Variants in BMP2K observed in about 807,000 individuals in gnomAD.
BMP2K encodes BMP2 inducible kinase.
A neutral mutation model predicts 116.0 loss-of-function variants in BMP2K; 74 were observed. That is an observed-to-expected ratio of 0.64 (90% CI 0.53 to 0.77). The LOEUF is 0.77. BMP2K is among the 30% of genes least tolerant of loss of function. The probability of loss-of-function intolerance (pLI) is 0.00; values close to 1 mark genes in which losing one functional copy is unlikely to be tolerated. For missense variants in BMP2K, 1,365 were observed against 1,403.6 expected (o/e 0.97, Z 0.44); for synonymous variants, 486 against 502.5 (o/e 0.97, Z 0.44).
Position 78,873,430 on chromosome 4 carries a change from A to C in BMP2K, c.1793+632A>C, listed in dbSNP as rs898743417. Among the ~76,000 whole-genome samples the C allele has an allele frequency of 2.0e-5, 3 of 152,126 alleles. No homozygotes were observed. In the East Asian group the frequency reaches 5.8e-4, roughly 29 times the overall value. Reference sequence around the variant, plus strand: ...CTAAGAATCATCATCAATGCCTCCTAATGTTTTTAGATACCTAGGAGGTAG... The same window carrying C: ...CTAAGAATCATCATCAATGCCTCCTCATGTTTTTAGATACCTAGGAGGTAG... On this transcript the variant is annotated intron_variant, in intron 13 of 15. Transcript: ENST00000502613.
chr4:78,794,500 T>A (rs748796890), intron 1 of BMP2K, among the ~76,000 whole-genome samples: 2 of 152,172 alleles, frequency 1.3e-5, no homozygotes, highest in Non-Finnish European at 1.5e-5. Flanking sequence ...CTGATCGAAA[T>A]AGATAATTTT....
intron 1 of BMP2K, among the ~76,000 whole-genome samples, chr4:78,779,900 G>C (rs1727424099): frequency 6.6e-6 from 1 of 152,150 alleles, no homozygotes; most frequent in South Asian, 2.1e-4. Flanking sequence ...TGATAACATA[G>C]TGAGGCAGTT....
At chr4:78,831,179 A>G (rs1432204396) in intron 2 of BMP2K, among the ~76,000 whole-genome samples, 3 of 152,250 alleles carry the variant, frequency 2.0e-5, no homozygotes, top group Non-Finnish European at 4.4e-5. Flanking sequence ...GTTAGAACAC[A>G]TATAACATTT....
At position 78,800,016 on chromosome 4, in the gene BMP2K, CTT is replaced by C. The variant is rs558873733; in HGVS notation, c.178+23297_178+23298del. The stretch of plus-strand genomic sequence containing the variant: ...CCGTACTCTGACAAGGTTGAGCTGT[CTT>C]TGCAAAGGAGAAATTATACAAACTT... On this transcript the variant is annotated intron_variant, in intron 1 of 15. Transcript: ENST00000502613. 9.9e-5 allele frequency among the ~76,000 whole-genome samples: 15 copies of C among 152,284 alleles called. No homozygotes were observed. In the South Asian group the frequency reaches 3.1e-3, roughly 32 times the overall value.
chr4:78,815,643 C>T (rs1002129516), intron 1 of BMP2K, among the ~76,000 whole-genome samples: 12 of 151,994 alleles, frequency 7.9e-5, no homozygotes, highest in African/African-American at 2.9e-4. Flanking sequence ...AAGAGTGGTA[C>T]AGTGAATAAT....
intron 7 of BMP2K, among the ~76,000 whole-genome samples, chr4:78,857,060 T>C (rs925511038): frequency 6.6e-6 from 1 of 152,098 alleles, no homozygotes; most frequent in East Asian, 1.9e-4. Context: ...TGTGATTCAA[T>C]ATATTAATAA....
chr4:78,883,706 A>G (rs776599763), intron 14 of BMP2K, among the ~76,000 whole-genome samples: 1 of 152,204 alleles, frequency 6.6e-6, no homozygotes, highest in Non-Finnish European at 1.5e-5. Flanking sequence ...GAGGATTTAA[A>G]GAACCTTAGT....
At chr4:78,837,522 T>A (rs950431209) in intron 3 of BMP2K, among the ~76,000 whole-genome samples, 2 of 152,214 alleles carry the variant, frequency 1.3e-5, no homozygotes, top group African/African-American at 4.8e-5. Context: ...CTCAGTGTTC[T>A]TTGCTAAAGT....
chr4:78,777,013 A>G (rs1406060523), intron 1 of BMP2K, among the ~76,000 whole-genome samples: 1 of 152,080 alleles, frequency 6.6e-6, no homozygotes, highest in Non-Finnish European at 1.5e-5. Flanking sequence ...GGTTGGTGTT[A>G]CGATTGGGCC....
intron 7 of BMP2K, among the ~76,000 whole-genome samples, chr4:78,851,979 G>A (rs1049844043): frequency 1.3e-5 from 2 of 151,982 alleles, no homozygotes; most frequent in East Asian, 3.9e-4. Context: ...AAATGTCTAA[G>A]TTTTATAATT....
chr4:78,884,388 TACCTAATGAATCAAGTAG>T (rs1199363165), intron 14 of BMP2K, among the ~76,000 whole-genome samples: 1 of 152,188 alleles, frequency 6.6e-6, no homozygotes, highest in African/African-American at 2.4e-5. Context: ...CCTAAGTTAC[TACCTAATGAATCAAGTAG>T]ACCTAATGAA....
intron 8 of BMP2K, chr4:78,860,015 G>GTT (rs375841644): frequency 9.6e-3 from 4,352 of 455,022 alleles, no homozygotes; most frequent in South Asian, 0.015. Context: ...AGGACTGTTA[G>GTT]TTTTTTTTTT....
At chr4:78,876,212 G>T (rs1014985845) in intron 13 of BMP2K, among the ~76,000 whole-genome samples, 3 of 152,188 alleles carry the variant, frequency 2.0e-5, no homozygotes, top group Middle Eastern at 3.4e-3. Flanking sequence ...ACAGACAGGA[G>T]GGGGGATGCC....
intron 1 of BMP2K, among the ~76,000 whole-genome samples, chr4:78,820,155 G>A (rs1729544293): frequency 6.6e-6 from 1 of 152,174 alleles, no homozygotes; most frequent in Non-Finnish European, 1.5e-5. Context: ...CTGAAATTTA[G>A]AAATTTAGCA....
At chr4:78,860,621 A>G (rs1489458358) in intron 8 of BMP2K, among the ~76,000 whole-genome samples, 3 of 151,838 alleles carry the variant, frequency 2.0e-5, no homozygotes, top group African/African-American at 4.8e-5. Context: ...GTCTCTGCCA[A>G]TCTTAATAAA....
intron 6 of BMP2K, among the ~76,000 whole-genome samples, chr4:78,848,094 G>A (rs1731092888): frequency 6.6e-6 from 1 of 151,322 alleles, no homozygotes; most frequent in Non-Finnish European, 1.5e-5. Context: ...TTCCTTTCCT[G>A]GCCTCCTCCC....
intron 1 of BMP2K, among the ~76,000 whole-genome samples, chr4:78,786,158 A>T (rs1374156100): frequency 6.6e-6 from 1 of 152,108 alleles, no homozygotes; most frequent in Non-Finnish European, 1.5e-5. Flanking sequence ...GCCCAAGGTG[A>T]TGCTATTTAG....
intron 7 of BMP2K, among the ~76,000 whole-genome samples, chr4:78,854,945 TAAAAG>T (rs1731432241): frequency 6.6e-6 from 1 of 152,050 alleles, no homozygotes; most frequent in African/African-American, 2.4e-5. Context: ...AATAGCTACT[TAAAAG>T]TACCTTTGAA....
At position 78,776,456 on chromosome 4, in the gene BMP2K, G is replaced by T; in HGVS notation, c.-88G>T. 1 of 1,087,010 alleles carries T rather than the reference G, an allele frequency of 9.2e-7. No individual in the cohort carries two copies. 67.3% of individuals were successfully genotyped at this position (1,087,010 alleles called of 1,614,324 possible). A position where few individuals can be genotyped will look rare whatever the true frequency, so the allele number is the denominator to read the frequency against. The stretch of plus-strand genomic sequence containing the variant: ...CAGCACGCTCGGACGGGCCAGGGGC[G>T]GCGACCCCTCGCGGACGCCCGGCTG... On this transcript the variant is annotated 5_prime_UTR_variant, in exon 1 of 16. Transcript: ENST00000502613.
Sources: allele counts gnomAD v4.1 joint callset (sites outside exome capture counted in the v4.1 genomes callset), GRCh38; gene constraint gnomAD v4.1.1; transcripts MANE v1.5; gene names NCBI Gene and HGNC (gene_info 2026-07-23, HGNC 2026-07-21).